The following KHDRBS2 variants were observed in gnomAD, a reference collection of about 807,000 sequenced individuals.
The protein encoded by KHDRBS2 is KH domain-containing, RNA-binding, signal transduction-associated protein 2.
Under a neutral mutation model 44.3 loss-of-function variants are expected in KHDRBS2, and 26 were observed. That is an observed-to-expected ratio of 0.59 (90% CI 0.43 to 0.81). The LOEUF (loss-of-function observed/expected upper bound fraction) is 0.81. Ranked by LOEUF, KHDRBS2 falls within the 40% of genes least tolerant of loss-of-function variation. The pLI is 0.00. For missense variants in KHDRBS2, 476 were observed against 433.1 expected (o/e 1.10, Z -0.88); for synonymous variants, 194 against 151.1 (o/e 1.28, Z -2.08).
chr6:62,002,011 T>C (rs1459375526), intron 3 of KHDRBS2, among the ~76,000 whole-genome samples: 1 of 152,146 alleles, frequency 6.6e-6, no homozygotes, highest in Non-Finnish European at 1.5e-5. Context: ...TGTACTCACT[T>C]TAGCTGAAGC....
intron 2 of KHDRBS2, among the ~76,000 whole-genome samples, chr6:62,109,600 G>T (rs1804514977): frequency 6.6e-6 from 1 of 151,694 alleles, no homozygotes; most frequent in South Asian, 2.1e-4. Context: ...AAGGATAAAA[G>T]ATCAATATAT....
At chr6:61,857,881 G>T (rs1048013490) in intron 6 of KHDRBS2, among the ~76,000 whole-genome samples, 1 of 151,882 alleles carries the variant, frequency 6.6e-6, no homozygotes, top group African/African-American at 2.4e-5. Context: ...TGATATGTAT[G>T]ACTTTTATAT....
At chr6:62,047,795 G>T in intron 3 of KHDRBS2, 83 bp downstream of exon 3, 1 of 839,698 alleles carries the variant, frequency 1.2e-6, no homozygotes, top group Non-Finnish European at 2.1e-6. Context: ...TGAAAGAGCA[G>T]TTCAGGCATG....
the KHDRBS2 span, among the ~76,000 whole-genome samples, chr6:61,543,682 G>A: frequency 4.1e-3 from 626 of 152,060 alleles, 1 homozygote; most frequent in African/African-American, 0.014. Flanking sequence ...TCAAATATCC[G>A]AGATTTGAAA....
At chr6:61,729,195 G>A (rs1310679125) in intron 7 of KHDRBS2, among the ~76,000 whole-genome samples, 3 of 152,064 alleles carry the variant, frequency 2.0e-5, no homozygotes, top group Non-Finnish European at 4.4e-5. Context: ...GATGGAGCTG[G>A]GGGCCATTAT....
intron 1 of KHDRBS2, among the ~76,000 whole-genome samples, chr6:62,244,629 G>A (rs1279921491): frequency 6.6e-6 from 1 of 151,802 alleles, no homozygotes. Context: ...CTTCTTTTTA[G>A]GCAGGTGAAT....
the KHDRBS2 span, among the ~76,000 whole-genome samples, chr6:61,557,613 C>A: frequency 6.6e-6 from 1 of 151,996 alleles, no homozygotes; most frequent in African/African-American, 2.4e-5. Context: ...GTGTCTTTGT[C>A]TGGTTTTGAT....
rs763209117 is a variant in KHDRBS2 at position 61,894,790 on chromosome 6, C to G, written c.655G>C (p.Gly219Arg). 3.1e-6 allele frequency: 5 copies of G among 1,612,780 alleles called. No homozygotes were observed. The East Asian group carries it at 1.1e-4, about 36-fold the overall frequency. ...GTGCTTCCCCGAGGGGTGAGAACACCTCGTCCAGGTGGTGGGGGAGGAGGA... is the reference window on the plus strand; with the variant it reads ...GTGCTTCCCCGAGGGGTGAGAACACGTCGTCCAGGTGGTGGGGGAGGAGGA... ...AIPPPPPPGR[G>R]VLTPRGSTVT... The change falls in exon 6 of 9, where the codon GGT becomes CGT. Residue 219 changes from glycine to arginine, a missense_variant. Transcript: ENST00000281156.
At chr6:62,228,966 G>T (rs141998436) in intron 1 of KHDRBS2, among the ~76,000 whole-genome samples, 1 of 152,140 alleles carries the variant, frequency 6.6e-6, no homozygotes, top group Non-Finnish European at 1.5e-5. Flanking sequence ...CCTGTTGGAG[G>T]ATCTCACCCA....
At chr6:62,086,739 G>A (rs1798454328) in intron 2 of KHDRBS2, among the ~76,000 whole-genome samples, 2 of 152,044 alleles carry the variant, frequency 1.3e-5, no homozygotes, top group South Asian at 4.1e-4. Context: ...AAAATGTAGT[G>A]GGCCAATTTG....
intron 4 of KHDRBS2, among the ~76,000 whole-genome samples, chr6:61,914,372 T>C (rs778211460): frequency 3.3e-5 from 5 of 151,962 alleles, no homozygotes; most frequent in African/African-American, 4.8e-5. Flanking sequence ...TAATTTTAGA[T>C]AGGGAAGCAA....
intron 7 of KHDRBS2, among the ~76,000 whole-genome samples, chr6:61,700,670 G>A (rs971888795): frequency 2.0e-5 from 3 of 151,290 alleles, no homozygotes; most frequent in African/African-American, 4.9e-5. Context: ...GCAGAGATGG[G>A]AGTGTAAATT....
At chr6:61,811,076 T>C (rs186082584) in intron 6 of KHDRBS2, among the ~76,000 whole-genome samples, 95 of 152,268 alleles carry the variant, frequency 6.2e-4, no homozygotes, top group African/African-American at 2.2e-3. Flanking sequence ...GTGAACATAG[T>C]ACCCAATAAC....
chr6:62,042,568 C>T (rs2127300700), intron 3 of KHDRBS2, among the ~76,000 whole-genome samples: 1 of 152,192 alleles, frequency 6.6e-6, no homozygotes, highest in Non-Finnish European at 1.5e-5. Context: ...CATGACTTCA[C>T]CCCTTCAGGA....
intron 2 of KHDRBS2, among the ~76,000 whole-genome samples, chr6:62,095,650 A>C (rs1386616694): frequency 6.6e-6 from 1 of 151,952 alleles, no homozygotes; most frequent in African/African-American, 2.4e-5. Flanking sequence ...GTATATGATC[A>C]TGTTGTCTCC....
intron 8 of KHDRBS2, among the ~76,000 whole-genome samples, chr6:61,685,916 A>C (rs1043129123): frequency 6.6e-6 from 1 of 151,782 alleles, no homozygotes; most frequent in Non-Finnish European, 1.5e-5. Flanking sequence ...TGGGAAAAAC[A>C]TGAAGCATAG....
the KHDRBS2 span, among the ~76,000 whole-genome samples, chr6:61,606,887 G>A: frequency 1.2e-4 from 19 of 152,140 alleles, no homozygotes; most frequent in Non-Finnish European, 2.2e-4. Context: ...TGTCAATAAA[G>A]TATATTATGG....
intron 4 of KHDRBS2, among the ~76,000 whole-genome samples, chr6:61,955,397 T>G (rs1327475525): frequency 9.2e-5 from 3 of 32,542 alleles, no homozygotes; most frequent in East Asian, 1.6e-3. Flanking sequence ...CGTATGTGTA[T>G]GTATACATAT....
At chr6:61,698,542 T>C (rs1161376331) in intron 7 of KHDRBS2, among the ~76,000 whole-genome samples, 1 of 152,128 alleles carries the variant, frequency 6.6e-6, no homozygotes, top group African/African-American at 2.4e-5. Flanking sequence ...TCTGTTTCTA[T>C]TATCGATGTA....
Sources: allele counts gnomAD v4.1 joint callset (sites outside exome capture counted in the v4.1 genomes callset), GRCh38; gene constraint gnomAD v4.1.1; transcripts MANE v1.5; gene names NCBI Gene and HGNC (gene_info 2026-07-23, HGNC 2026-07-21).